CCDC33: variants seen among roughly 807,000 people sequenced by gnomAD.
CCDC33 encodes coiled-coil domain containing 33.
In CCDC33, 94 loss-of-function variants were observed where a neutral mutation model predicts 91.9. The ratio of observed to expected loss-of-function variants is 1.02; its 90% confidence interval spans 0.87 to 1.21. The LOEUF is 1.21. CCDC33 is among the 50% of genes most tolerant of loss of function. The pLI is 0.00. For synonymous variants in CCDC33, 396 were observed against 374.5 expected (o/e 1.06, Z -0.66); for missense variants, 940 against 935.5 (o/e 1.00, Z -0.06).
At chr15:74,275,767 T>TCTCCTGCCTC in intron 7 of CCDC33, among the ~76,000 whole-genome samples, 1 of 152,076 alleles carries the variant, frequency 6.6e-6, no homozygotes, top group South Asian at 2.1e-4. Flanking sequence ...CCTCCTGGGT[T>TCTCCTGCCTC]CAAGCAATTC....
chr15:74,307,556 G>A (rs1268546068), intron 11 of CCDC33, among the ~76,000 whole-genome samples: 3 of 151,948 alleles, frequency 2.0e-5, no homozygotes, highest in Admixed American at 2.0e-4. Flanking sequence ...CTGGTGACTT[G>A]GAAGTCAGGA....
chr15:74,329,393 A>G (rs569075861), intron 11 of CCDC33, among the ~76,000 whole-genome samples: 3 of 152,312 alleles, frequency 2.0e-5, no homozygotes, highest in South Asian at 2.1e-4. Flanking sequence ...CTTGTAACTG[A>G]GCAAGTTACT....
At chr15:74,241,791 G>A (rs1014392476) in intron 1 of CCDC33, among the ~76,000 whole-genome samples, 1 of 152,242 alleles carries the variant, frequency 6.6e-6, no homozygotes, top group Non-Finnish European at 1.5e-5. Flanking sequence ...TAGTTTGAAG[G>A]TGGAGCTGAC....
Position 74,266,670 on chromosome 15 carries a change from C to T in CCDC33, c.320-8C>T, listed in dbSNP as rs762110386. On this transcript the variant is annotated splice_polypyrimidine_tract_variant and splice_region_variant and intron_variant, in intron 3 of 18. Transcript: ENST00000398814. ...AAATAAACCTGGGCTCATTTTTTCTCTTTCCAGATGTGATCCTCAAGGTGG... is the reference window on the plus strand; with the variant it reads ...AAATAAACCTGGGCTCATTTTTTCTTTTTCCAGATGTGATCCTCAAGGTGG... 2 of 1,602,578 alleles carry T rather than the reference C, an allele frequency of 1.2e-6. No homozygotes were observed. The highest frequency in any genetic ancestry group is 1.7e-5 in the Admixed American group (1 of 59,368).
chr15:74,336,441 A>G (rs2060568824), downstream of CCDC33: 1 of 1,288,352 alleles, frequency 7.8e-7, no homozygotes, highest in Non-Finnish European at 1.0e-6. Context: ...CTGCCCCAAA[A>G]CATCTATCAT....
chr15:74,257,917 T>A (rs1436654373), intron 2 of CCDC33, among the ~76,000 whole-genome samples: 3 of 151,982 alleles, frequency 2.0e-5, no homozygotes, highest in Non-Finnish European at 4.4e-5. Flanking sequence ...GGCCTGGGAG[T>A]CTGGCAGCCT....
At chr15:74,333,408 A>C in intron 16 of CCDC33, 4 of 952,354 alleles carry the variant, frequency 4.2e-6, no homozygotes, top group Non-Finnish European at 6.6e-6. Context: ...ATAAACCCCA[A>C]AGCAGAACAT....
In CCDC33 at chr15:74,210,635, C is replaced by A. The variant is rs115961699; in HGVS notation, n.236+1101C>A. On this transcript the variant is annotated intron_variant and non_coding_transcript_variant, in intron 2 of 3. Coordinates refer to the CCDC33 transcript ENST00000558645. ...AATGCATATTTTAAAACTCATACTGCATGTGTAATTCTTTTTAAATAAGCC... is the reference window on the plus strand; with the variant it reads ...AATGCATATTTTAAAACTCATACTGAATGTGTAATTCTTTTTAAATAAGCC... 6.6e-3 allele frequency among the ~76,000 whole-genome samples: 1,005 copies of A among 152,314 alleles called. 11 individuals carry two copies. The highest frequency in any genetic ancestry group is 0.023 in the African/African-American group (963 of 41,556).
intron 2 of CCDC33, among the ~76,000 whole-genome samples, chr15:74,252,948 G>A (rs1041148969): frequency 7.9e-5 from 12 of 152,172 alleles, no homozygotes; most frequent in Admixed American, 7.9e-4. Context: ...TGGTTGGCCT[G>A]AGAACCATCC....
At chr15:74,205,982 T>C (rs973451753) in intron 1 of CCDC33, among the ~76,000 whole-genome samples, 10 of 152,144 alleles carry the variant, frequency 6.6e-5, no homozygotes, top group Admixed American at 4.6e-4. Flanking sequence ...GAACGCCTGG[T>C]TGGGGAGGCC....
rs765031220 is a variant in CCDC33 at position 74,332,655 on chromosome 15, C to G, written c.1772-24C>G. ...TGGGAAGCAGGAGAGCCCATCTCAC[C>G]AACATCTGTGGCCGTGTCTCTAGGC... On this transcript the variant is annotated intron_variant, in intron 15 of 18. Transcript: ENST00000398814. The G allele has an allele frequency of 3.1e-6, 5 of 1,610,432 alleles. No homozygotes were observed. The Admixed American group carries it at 8.4e-5, about 27-fold the overall frequency.
intron 2 of CCDC33, among the ~76,000 whole-genome samples, chr15:74,261,393 A>G (rs1272338493): frequency 1.3e-5 from 2 of 152,190 alleles, no homozygotes; most frequent in Admixed American, 1.3e-4. Context: ...CCATGTTGGT[A>G]TTGCTAATGC....
At chr15:74,282,122 G>A (rs1269717757) in intron 10 of CCDC33, among the ~76,000 whole-genome samples, 1 of 152,208 alleles carries the variant, frequency 6.6e-6, no homozygotes, top group African/African-American at 2.4e-5. Context: ...TCGAGGTTCT[G>A]CAAGGGTGAG....
At chr15:74,289,087 C>T (rs1296878470) in intron 10 of CCDC33, among the ~76,000 whole-genome samples, 1 of 152,096 alleles carries the variant, frequency 6.6e-6, no homozygotes, top group South Asian at 2.1e-4. Context: ...GTTGGTGGAG[C>T]CCTGCGAACC....
intron 10 of CCDC33, among the ~76,000 whole-genome samples, chr15:74,284,541 G>A (rs943278806): frequency 6.6e-6 from 1 of 152,040 alleles, no homozygotes; most frequent in Non-Finnish European, 1.5e-5. Context: ...ACCCACATGA[G>A]CAATTGCTGT....
At chr15:74,223,050 T>C (rs1020746662) in intron 2 of CCDC33, among the ~76,000 whole-genome samples, 11 of 152,032 alleles carry the variant, frequency 7.2e-5, no homozygotes, top group African/African-American at 2.7e-4. Context: ...TTAACTTTAC[T>C]CTTTACTGCC....
intron 8 of CCDC33, 46 bp downstream of exon 8, chr15:74,280,138 A>C: frequency 6.2e-7 from 1 of 1,608,804 alleles, no homozygotes; most frequent in Non-Finnish European, 8.5e-7. Flanking sequence ...GCCTCAGGAG[A>C]TCTGTATTAT....
At chr15:74,277,341 C>T (rs1453897517) in intron 7 of CCDC33, among the ~76,000 whole-genome samples, 3 of 152,222 alleles carry the variant, frequency 2.0e-5, no homozygotes, top group Admixed American at 1.3e-4. Flanking sequence ...CTCCAGATGG[C>T]GGCCACTATG....
At chr15:74,207,668 A>G in intron 1 of CCDC33, 1 of 1,529,726 alleles carries the variant, frequency 6.5e-7, no homozygotes, top group Non-Finnish European at 8.8e-7. Flanking sequence ...GAGGCGTTCC[A>G]GGAGTGGGGG....
Sources: allele counts gnomAD v4.1 joint callset (sites outside exome capture counted in the v4.1 genomes callset), GRCh38; gene constraint gnomAD v4.1.1; transcripts MANE v1.5; gene names NCBI Gene and HGNC (gene_info 2026-07-23, HGNC 2026-07-21).